GPR12: variants seen among roughly 807,000 people sequenced by gnomAD.
GPR12 encodes the protein G protein-coupled receptor 12, also known as G-protein coupled receptor 12.
Under a neutral mutation model 18.9 loss-of-function variants are expected in GPR12, and 7 were observed. The observed-to-expected ratio is 0.37, with a 90% CI of 0.21 to 0.70. The LOEUF (loss-of-function observed/expected upper bound fraction) is 0.70, where lower values mean the gene tolerates loss of function less well. GPR12 is among the 30% of genes least tolerant of loss of function. GPR12 has a pLI of 0.54. For missense variants in GPR12, 327 were observed against 427.7 expected, an observed-to-expected ratio of 0.76 and a Z score of 2.08; for synonymous variants, 201 against 188.6, an observed-to-expected ratio of 1.07 and a Z score of -0.54.
Position 26,758,818 on chromosome 13 carries a change from G to A in GPR12, c.*5C>T. 1 of 1,595,322 alleles carries A rather than the reference G, an allele frequency of 6.3e-7. No individual in the cohort carries two copies. Among genetic ancestry groups the A allele is most frequent in the Non-Finnish European group, 8.6e-7 (1 of 1,168,194 alleles). ...AAATGCAGAGTCCTCCTGGGTGCAA[G>A]GGTGCTACACATCACTGGGCGAGCG... On this transcript the variant is annotated 3_prime_UTR_variant, in exon 2 of 2. Coordinates refer to ENST00000405846, the MANE Select transcript of GPR12 (RefSeq NM_005288.4).
intron 1 of GPR12, chr13:26,760,165 C>T (rs1884455845): frequency 4.4e-6 from 1 of 229,378 alleles, no homozygotes; most frequent in Non-Finnish European, 9.3e-6. Context: ...TGGAAAATCA[C>T]ATCTTGCATG....
At chr13:26,759,986 T>C (rs1884452926) in intron 1 of GPR12, 144 bp from the exon 2 acceptor site, 10 of 1,314,004 alleles carry the variant, frequency 7.6e-6, no homozygotes, top group Non-Finnish European at 2.0e-6. Context: ...AATGAGGAAC[T>C]GTTGGGAAAT....
chr13:26,757,430 A>G lies in GPR12; in HGVS notation c.*1393T>C, dbSNP rs1884396296. The G allele has an allele frequency of 6.6e-6, 1 of 152,224 alleles. No homozygotes were observed. Among genetic ancestry groups the G allele is most frequent in the Non-Finnish European group, 1.5e-5 (1 of 68,050 alleles). 9.4% of individuals were successfully genotyped at this position (152,224 alleles called of 1,614,324 possible). ...ATGGAGGGAAGGTACCTGCGTCTAC[A>G]TTTGTCTGCATGAACAGAAAAGAAA... On this transcript the variant is annotated 3_prime_UTR_variant, in exon 2 of 2. Coordinates refer to ENST00000405846, the MANE Select transcript of GPR12 (RefSeq NM_005288.4).
rs759770137 is a variant in GPR12 at position 26,758,818 on chromosome 13, G to T, written c.*5C>A. 6.3e-7 allele frequency: 1 copy of T among 1,595,322 alleles called. No homozygotes were observed. The highest frequency in any genetic ancestry group is 8.6e-7 in the Non-Finnish European group (1 of 1,168,194). On this transcript the variant is annotated 3_prime_UTR_variant, in exon 2 of 2. Transcript: ENST00000405846. ...AAATGCAGAGTCCTCCTGGGTGCAA[G>T]GGTGCTACACATCACTGGGCGAGCG...
In GPR12 at chr13:26,757,761, G is replaced by A. The variant is rs1356556936; in HGVS notation, c.*1062C>T. On this transcript the variant is annotated 3_prime_UTR_variant, in exon 2 of 2. Coordinates refer to ENST00000405846, the MANE Select transcript of GPR12 (RefSeq NM_005288.4). ...TCAAATGCATTATGCACCACAGACAGTATGAACCAGAAAAACTTGGCCTAT... is the reference window on the plus strand; with the variant it reads ...TCAAATGCATTATGCACCACAGACAATATGAACCAGAAAAACTTGGCCTAT... The A allele has an allele frequency of 6.6e-6, 1 of 152,142 alleles. No homozygotes were observed. Among genetic ancestry groups the A allele is most frequent in the East Asian group, 1.9e-4 (1 of 5,194 alleles). The allele number at this position is 152,142 out of a possible 1,614,324, so 9.4% of individuals were successfully genotyped here. A position where few individuals can be genotyped will look rare whatever the true frequency, so the allele number is the denominator to read the frequency against.
Position 26,759,132 on chromosome 13 carries a change from G to A in GPR12, c.696C>T (p.Ala232=), listed in dbSNP as rs924998246. Residue 232 remains alanine (A), a synonymous_variant, in exon 2 of 2, where the codon GCC becomes GCT. Coordinates refer to ENST00000405846, the MANE Select transcript of GPR12 (RefSeq NM_005288.4). The stretch of plus-strand genomic sequence containing the variant: ...ACGTGGCCAGGAAGTGGTGCTGCAG[G>A]GCTATCTGATGGGCGTGCCTCATCA... ...KIVMRHAHQI[A]LQHHFLATSH... 1 of 1,613,698 alleles carries A rather than the reference G, an allele frequency of 6.2e-7. No homozygotes were observed. Among genetic ancestry groups the A allele is most frequent in the Non-Finnish European group, 8.5e-7 (1 of 1,179,988 alleles).
Position 26,759,519 on chromosome 13 carries a change from A to G in GPR12, c.309T>C (p.Phe103=). The part of the protein sequence containing the change: ...AGIGLITNFV[F]AYLLQSEATK... The stretch of plus-strand genomic sequence containing the variant: ...TGGCTTCTGACTGAAGCAGGTAGGC[A>G]AAAACAAAATTGGTGATGAGTCCAA... Residue 103 remains phenylalanine, a synonymous_variant, in exon 2 of 2, where the codon TTT becomes TTC. Coordinates refer to ENST00000405846, the MANE Select transcript of GPR12 (RefSeq NM_005288.4). 1 of 1,614,200 alleles carries G rather than the reference A, an allele frequency of 6.2e-7. No individual in the cohort carries two copies. The highest frequency in any genetic ancestry group is 8.5e-7 in the Non-Finnish European group (1 of 1,180,032).
In GPR12 at chr13:26,759,593, T is replaced by C. The variant is rs1257442268; in HGVS notation, c.235A>G (p.Met79Val). Reference sequence around the variant, plus strand: ...GCCAGGCTGCCTATTAGCAGGAACATGGGTGCTCGCAGGCTGGGGTTGTGG... The same window carrying C: ...GCCAGGCTGCCTATTAGCAGGAACACGGGTGCTCGCAGGCTGGGGTTGTGG... ...IFHNPSLRAP[M>V]FLLIGSLALA... Residue 79 changes from methionine to valine, a missense_variant, in exon 2 of 2, where the codon ATG becomes GTG. Transcript: ENST00000405846. 1 of 1,614,074 alleles carries C rather than the reference T, an allele frequency of 6.2e-7. No homozygotes were observed. Among genetic ancestry groups the C allele is most frequent in the South Asian group, 1.1e-5 (1 of 91,066 alleles).
rs1884423699 is a variant in GPR12 at position 26,758,841 on chromosome 13, G to A, written c.987C>T (p.Arg329=). The A allele has an allele frequency of 6.2e-7, 1 of 1,610,790 alleles. No individual in the cohort carries two copies. The change falls in exon 2 of 2, where the codon CGC becomes CGT. Residue 329 remains arginine, a synonymous_variant. Coordinates refer to ENST00000405846, the MANE Select transcript of GPR12 (RefSeq NM_005288.4). The part of the protein sequence containing the change: ...CIPSSLAQRA[R]SPSDV ...AAGGGTGCTACACATCACTGGGCGA[G>A]CGCGCTCTCTGGGCGAGACTGGACG...
Position 26,758,617 on chromosome 13 carries a change from A to ATT in GPR12, c.*204_*205dup. 3 of 779,686 alleles carry ATT rather than the reference A, an allele frequency of 3.8e-6. No homozygotes were observed. The highest frequency in any genetic ancestry group is 3.8e-6 in the Non-Finnish European group (2 of 523,198). 48.3% of individuals were successfully genotyped at this position (779,686 alleles called of 1,614,324 possible). ...ATAATGTTGAGTGGAGAGCTCAACA[A>ATT]TTTTTTTTAATGGTGAAAACACTGG... On this transcript the variant is annotated 3_prime_UTR_variant, in exon 2 of 2. Coordinates refer to ENST00000405846, the MANE Select transcript of GPR12 (RefSeq NM_005288.4).
At position 26,759,372 on chromosome 13, in the gene GPR12, C is replaced by T; in HGVS notation, c.456G>A (p.Arg152=). The change falls in exon 2 of 2, where the codon AGG becomes AGA. Residue 152 remains arginine, a synonymous_variant. Coordinates refer to ENST00000405846, the MANE Select transcript of GPR12 (RefSeq NM_005288.4). ...GCATGACATAGGTAAACGTGACCGT[C>T]CTCTCCGAATGGTACGTCAGAGCGT... ...LYYALTYHSE[R]TVTFTYVMLV... The T allele has an allele frequency of 6.2e-7, 1 of 1,613,968 alleles. No homozygotes were observed. The highest frequency in any genetic ancestry group is 8.5e-7 in the Non-Finnish European group (1 of 1,180,032).
Position 26,757,064 on chromosome 13 carries a change from G to T in GPR12, c.*1759C>A, listed in dbSNP as rs747314340. 7 of 152,188 alleles carry T rather than the reference G, an allele frequency of 4.6e-5. No individual in the cohort carries two copies. Among genetic ancestry groups the T allele is most frequent in the Non-Finnish European group, 7.3e-5 (5 of 68,046 alleles). 9.4% of individuals were successfully genotyped at this position (152,188 alleles called of 1,614,324 possible). On this transcript the variant is annotated 3_prime_UTR_variant, in exon 2 of 2. Coordinates refer to ENST00000405846, the MANE Select transcript of GPR12 (RefSeq NM_005288.4). The stretch of plus-strand genomic sequence containing the variant: ...TATTAGATTGATCATACAGTGGTAT[G>T]TATTGAAAATTCTTTCCCACTTCTT...
At position 26,756,625 on chromosome 13, in the gene GPR12, T is replaced by G. The variant is rs540806436; in HGVS notation, c.*2198A>C. The G allele has an allele frequency of 6.6e-6, 1 of 152,362 alleles. No individual in the cohort carries two copies. Among genetic ancestry groups the G allele is most frequent in the Non-Finnish European group, 1.5e-5 (1 of 68,048 alleles). 9.4% of individuals were successfully genotyped at this position (152,362 alleles called of 1,614,324 possible). A position where few individuals can be genotyped will look rare whatever the true frequency, so the allele number is the denominator to read the frequency against. On this transcript the variant is annotated 3_prime_UTR_variant, in exon 2 of 2. Transcript: ENST00000405846. ...AGCAAGACTTAGACTTTGGAAAAGCTGGCTTCAAATTCTGACTCTATCCTT... is the reference window on the plus strand; with the variant it reads ...AGCAAGACTTAGACTTTGGAAAAGCGGGCTTCAAATTCTGACTCTATCCTT...
chr13:26,757,238 C>A lies in GPR12; in HGVS notation c.*1585G>T, dbSNP rs1884392541. 1 of 152,160 alleles carries A rather than the reference C, an allele frequency of 6.6e-6. No individual in the cohort carries two copies. The highest frequency in any genetic ancestry group is 1.9e-4 in the East Asian group (1 of 5,192). The allele number at this position is 152,160 out of a possible 1,614,324, so 9.4% of individuals were successfully genotyped here. On this transcript the variant is annotated 3_prime_UTR_variant, in exon 2 of 2. Coordinates refer to ENST00000405846, the MANE Select transcript of GPR12 (RefSeq NM_005288.4). ...CAGGCTCCCAGAATGGTCTTGAGAG[C>A]ACCCTGGGCATCACATCTGGGACAA...
Position 26,755,423 on chromosome 13 carries a change from G to T in GPR12, c.*3400C>A, listed in dbSNP as rs532795374. The T allele has an allele frequency of 1.3e-5, 2 of 151,836 alleles. No individual in the cohort carries two copies. Among genetic ancestry groups the T allele is most frequent in the African/African-American group, 2.4e-5 (1 of 41,366 alleles). The allele number at this position is 151,836 out of a possible 1,614,324, so 9.4% of individuals were successfully genotyped here. A position where few individuals can be genotyped will look rare whatever the true frequency, so the allele number is the denominator to read the frequency against. On this transcript the variant is annotated 3_prime_UTR_variant, in exon 2 of 2. Coordinates refer to ENST00000405846, the MANE Select transcript of GPR12 (RefSeq NM_005288.4). Reference sequence around the variant, plus strand: ...GATTAAGCATTTTTTTTAAAAAGCCGAAGAAGTCTCCATGATATTTTTATT... The same window carrying T: ...GATTAAGCATTTTTTTTAAAAAGCCTAAGAAGTCTCCATGATATTTTTATT...
In GPR12 at chr13:26,759,523, A is replaced by G. The variant is rs1884441929; in HGVS notation, c.305T>C (p.Val102Ala). 3 of 1,614,172 alleles carry G rather than the reference A, an allele frequency of 1.9e-6. No homozygotes were observed. Among genetic ancestry groups the G allele is most frequent in the Non-Finnish European group, 2.5e-6 (3 of 1,180,024 alleles). ...LAGIGLITNF[V>A]FAYLLQSEAT... ...TTCTGACTGAAGCAGGTAGGCAAAAACAAAATTGGTGATGAGTCCAATGCC... is the reference window on the plus strand; with the variant it reads ...TTCTGACTGAAGCAGGTAGGCAAAAGCAAAATTGGTGATGAGTCCAATGCC... Residue 102 changes from valine to alanine, a missense_variant, in exon 2 of 2, where the codon GTT becomes GCT. Transcript: ENST00000405846.
chr13:26,760,083 A>C, intron 1 of GPR12: 1 of 438,570 alleles, frequency 2.3e-6, no homozygotes, highest in Non-Finnish European at 3.9e-6. Context: ...GGACTTCAAA[A>C]CACCAGCGTG....
Position 26,757,399 on chromosome 13 carries a change from T to C in GPR12, c.*1424A>G, listed in dbSNP as rs921537990. 8 of 152,196 alleles carry C rather than the reference T, an allele frequency of 5.3e-5. No individual in the cohort carries two copies. Among genetic ancestry groups the C allele is most frequent in the Non-Finnish European group, 1.2e-4 (8 of 68,034 alleles). The allele number at this position is 152,196 out of a possible 1,614,324, so 9.4% of individuals were successfully genotyped here. A position where few individuals can be genotyped will look rare whatever the true frequency, so the allele number is the denominator to read the frequency against. Reference sequence around the variant, plus strand: ...TTATATAGACATAACTATAAATCCATTGCAAATGGAGGGAAGGTACCTGCG... The same window carrying C: ...TTATATAGACATAACTATAAATCCACTGCAAATGGAGGGAAGGTACCTGCG... On this transcript the variant is annotated 3_prime_UTR_variant, in exon 2 of 2. Coordinates refer to ENST00000405846, the MANE Select transcript of GPR12 (RefSeq NM_005288.4).
Position 26,757,652 on chromosome 13 carries a change from A to T in GPR12, c.*1171T>A, listed in dbSNP as rs1884400457. On this transcript the variant is annotated 3_prime_UTR_variant, in exon 2 of 2. Transcript: ENST00000405846. The stretch of plus-strand genomic sequence containing the variant: ...GTCATTCTGTTTATGACCTTACAGG[A>T]TATAGCTGGTATATGTCACAGTCAT... The T allele has an allele frequency of 1.3e-5, 2 of 152,248 alleles. No individual in the cohort carries two copies. The highest frequency in any genetic ancestry group is 2.9e-5 in the Non-Finnish European group (2 of 68,044). 9.4% of individuals were successfully genotyped at this position (152,248 alleles called of 1,614,324 possible).
Sources: allele counts gnomAD v4.1 joint callset, GRCh38; gene constraint gnomAD v4.1.1; transcripts MANE v1.5; gene names NCBI Gene and HGNC (gene_info 2026-07-23, HGNC 2026-07-21).